TENM4: variants seen among roughly 807,000 people sequenced by gnomAD.
TENM4 encodes teneurin-4.
Under a neutral mutation model 243.3 loss-of-function variants are expected in TENM4, and 82 were observed. The ratio of observed to expected loss-of-function variants is 0.34; its 90% confidence interval spans 0.28 to 0.40. TENM4 has a LOEUF of 0.40. TENM4 is among the 10% of genes least tolerant of loss of function. The pLI, the probability that TENM4 is intolerant of heterozygous loss-of-function variation, is 1.00. For synonymous variants in TENM4, 1,412 were observed against 1,456.3 expected (o/e 0.97, Z 0.69); for missense variants, 3,138 against 3,673.3 (o/e 0.85, Z 3.77).
intron 1 of TENM4, among the ~76,000 whole-genome samples, chr11:79,362,647 G>A (rs973705886): frequency 2.6e-5 from 4 of 152,288 alleles, no homozygotes; most frequent in Non-Finnish European, 2.9e-5. Context: ...ACAGTACAGC[G>A]CAGAGGCTAA....
chr11:78,865,853 A>T (rs1858961803), intron 9 of TENM4, among the ~76,000 whole-genome samples: 1 of 152,268 alleles, frequency 6.6e-6, no homozygotes, highest in African/African-American at 2.4e-5. Context: ...GCCTAGCTGC[A>T]TTCTTCTCAT....
At chr11:78,978,919 T>A (rs1488565548) in intron 6 of TENM4, among the ~76,000 whole-genome samples, 3 of 151,968 alleles carry the variant, frequency 2.0e-5, no homozygotes, top group African/African-American at 7.2e-5. Flanking sequence ...CTTCTCGGTG[T>A]TTCTTGGGCA....
chr11:78,676,147 C>A lies in TENM4; in HGVS notation c.5496+5G>T. 1 of 1,502,592 alleles carries A rather than the reference C, an allele frequency of 6.7e-7. No homozygotes were observed. The highest frequency in any genetic ancestry group is 1.4e-5 in the African/African-American group (1 of 72,564). The allele number at this position is 1,502,592 out of a possible 1,614,324, so 93.1% of individuals were successfully genotyped here. A position where few individuals can be genotyped will look rare whatever the true frequency, so the allele number is the denominator to read the frequency against. Reference sequence around the variant, plus strand: ...GACGCAGCCACCTCCAGAGGCCTCGCTCACCCGCAGCCGGCGCCCAAAGAC... The same window carrying A: ...GACGCAGCCACCTCCAGAGGCCTCGATCACCCGCAGCCGGCGCCCAAAGAC... On this transcript the variant is annotated splice_donor_5th_base_variant and intron_variant, in intron 30 of 33. Transcript: ENST00000278550.
chr11:79,422,850 C>G (rs910625301), intron 1 of TENM4, among the ~76,000 whole-genome samples: 2 of 152,186 alleles, frequency 1.3e-5, no homozygotes, highest in Non-Finnish European at 2.9e-5. Context: ...AATCACTCCT[C>G]TTTGTACAAA....
At chr11:78,778,982 G>A (rs538966870) in intron 16 of TENM4, among the ~76,000 whole-genome samples, 5 of 152,354 alleles carry the variant, frequency 3.3e-5, no homozygotes, top group African/African-American at 4.8e-5. Flanking sequence ...CTGGCTTTAC[G>A]GAAAACTAGA....
chr11:78,881,002 AG>A (rs1855418541), intron 9 of TENM4, among the ~76,000 whole-genome samples: 2 of 152,226 alleles, frequency 1.3e-5, no homozygotes, highest in Admixed American at 6.5e-5. Flanking sequence ...TAACTCTACC[AG>A]TTTGTCAAAA....
At chr11:78,837,871 G>T (rs1858153576) in intron 12 of TENM4, among the ~76,000 whole-genome samples, 1 of 151,994 alleles carries the variant, frequency 6.6e-6, no homozygotes, top group South Asian at 2.1e-4. Flanking sequence ...TAGACATTTG[G>T]ATTGTTTCCA....
chr11:78,830,275 C>T (rs1857949466), intron 12 of TENM4, among the ~76,000 whole-genome samples: 1 of 152,202 alleles, frequency 6.6e-6, no homozygotes, highest in Non-Finnish European at 1.5e-5. Flanking sequence ...ACCCTGGACA[C>T]CTCGGTGGTG....
At chr11:79,010,794 C>G (rs911103104) in intron 6 of TENM4, among the ~76,000 whole-genome samples, 1 of 152,100 alleles carries the variant, frequency 6.6e-6, no homozygotes. Context: ...ACAGCCAAAC[C>G]ATGTCAGGGT....
intron 1 of TENM4, among the ~76,000 whole-genome samples, chr11:79,336,526 A>G (rs534706365): frequency 1.3e-3 from 203 of 152,328 alleles, no homozygotes; most frequent in Non-Finnish European, 2.2e-3. Flanking sequence ...TTATGTGCTT[A>G]TAAGCTATTA....
At chr11:79,035,803 A>G (rs1468360706) in intron 6 of TENM4, among the ~76,000 whole-genome samples, 1 of 152,180 alleles carries the variant, frequency 6.6e-6, no homozygotes, top group Non-Finnish European at 1.5e-5. Context: ...TTCCAACAAT[A>G]CAGAACAAGC....
chr11:79,211,937 C>A (rs1863963758), intron 3 of TENM4, among the ~76,000 whole-genome samples: 1 of 152,156 alleles, frequency 6.6e-6, no homozygotes, highest in Non-Finnish European at 1.5e-5. Flanking sequence ...CTTGGGCAGC[C>A]TCCTCAGGCA....
At chr11:79,283,532 A>C (rs777278597) in intron 2 of TENM4, among the ~76,000 whole-genome samples, 2 of 152,260 alleles carry the variant, frequency 1.3e-5, no homozygotes, top group Non-Finnish European at 2.9e-5. Context: ...TGACAAAAAA[A>C]CCCAACAAAC....
chr11:78,888,949 T>C (rs1299879567), intron 9 of TENM4, among the ~76,000 whole-genome samples: 4 of 152,220 alleles, frequency 2.6e-5, no homozygotes, highest in Admixed American at 6.5e-5. Flanking sequence ...AGGCAGCAGA[T>C]GCTACACAAC....
intron 6 of TENM4, among the ~76,000 whole-genome samples, chr11:79,055,859 C>A (rs1257311245): frequency 6.6e-6 from 1 of 152,160 alleles, no homozygotes; most frequent in Non-Finnish European, 1.5e-5. Flanking sequence ...ATTCCACTGA[C>A]CTTTTTCGGC....
At chr11:78,847,022 C>T (rs1173080693) in intron 12 of TENM4, among the ~76,000 whole-genome samples, 1 of 152,192 alleles carries the variant, frequency 6.6e-6, no homozygotes, top group East Asian at 1.9e-4. Flanking sequence ...AAAAATTCTG[C>T]TTTCCTACTT....
At chr11:79,330,194 C>A (rs948475892) in intron 1 of TENM4, among the ~76,000 whole-genome samples, 5 of 152,184 alleles carry the variant, frequency 3.3e-5, no homozygotes, top group African/African-American at 1.2e-4. Context: ...ACAAGCAACT[C>A]TTGAAGCTGG....
At chr11:79,422,338 CA>C (rs1249699774) in intron 1 of TENM4, 23 of 152,088 alleles carry the variant, frequency 1.5e-4, no homozygotes, top group Non-Finnish European at 3.2e-4. Context: ...ACCAGCTCTA[CA>C]GTAAGAAAGA....
At chr11:79,123,580 C>T (rs1861791932) in intron 4 of TENM4, among the ~76,000 whole-genome samples, 1 of 149,470 alleles carries the variant, frequency 6.7e-6, no homozygotes, top group South Asian at 2.1e-4. Context: ...CTCTTCTCTC[C>T]AGACAAACGC....
Sources: allele counts gnomAD v4.1 joint callset (sites outside exome capture counted in the v4.1 genomes callset), GRCh38; gene constraint gnomAD v4.1.1; transcripts MANE v1.5; gene names NCBI Gene and HGNC (gene_info 2026-07-23, HGNC 2026-07-21).